GIT2: variants seen among roughly 807,000 people sequenced by gnomAD.
The protein encoded by GIT2 is GIT ArfGAP 2.
In GIT2, 32 loss-of-function variants were observed where a neutral mutation model predicts 100.3. The observed-to-expected ratio is 0.32, with a 90% CI of 0.24 to 0.43. GIT2 has a LOEUF of 0.43. Ranked by LOEUF, GIT2 falls within the 20% of genes least tolerant of loss-of-function variation. The probability of loss-of-function intolerance (pLI) is 1.00; values close to 1 mark genes in which losing one functional copy is unlikely to be tolerated. For missense variants in GIT2, 737 were observed against 975.1 expected, an observed-to-expected ratio of 0.76 and a Z score of 3.25; for synonymous variants, 353 against 364.1, an observed-to-expected ratio of 0.97 and a Z score of 0.35.
chr12:109,941,910 G>T (rs1874852069), intron 16 of GIT2, among the ~76,000 whole-genome samples: 1 of 150,430 alleles, frequency 6.6e-6, no homozygotes, highest in Non-Finnish European at 1.5e-5. Flanking sequence ...CTGCAGCCTC[G>T]ACCTCCCAGA....
chr12:109,941,996 G>A (rs149296714), intron 16 of GIT2, among the ~76,000 whole-genome samples: 76 of 151,866 alleles, frequency 5.0e-4, no homozygotes, highest in African/African-American at 1.7e-3. Context: ...GGCTAATTTT[G>A]TACTTTTTTG....
In GIT2 at chr12:109,938,386, T is replaced by A; in HGVS notation, c.1997A>T (p.His666Leu). 6.2e-7 allele frequency: 1 copy of A among 1,610,994 alleles called. No individual in the cohort carries two copies. The highest frequency in any genetic ancestry group is 8.5e-7 in the Non-Finnish European group (1 of 1,177,816). Residue 666 changes from histidine to leucine, a missense_variant, in exon 18 of 20, where the codon CAT becomes CTT. By Grantham distance (99) the His-to-Leu change is moderately conservative. This residue lies in a region of GIT2 where 451 missense variants were observed against 543.7 expected (regional missense o/e 0.83). Coordinates refer to ENST00000355312, the MANE Select transcript of GIT2 (RefSeq NM_057169.5). ...ELLRAAQENK[H>L]DSYIPCSERI... Reference sequence around the variant, plus strand: ...GGTCTTCAATCCTGCTTACCTGTCATGTTTATTTTCTTGGGCTGCTCTTAA... The same window carrying A: ...GGTCTTCAATCCTGCTTACCTGTCAAGTTTATTTTCTTGGGCTGCTCTTAA...
Position 109,948,987 on chromosome 12 carries a change from A to C in GIT2, c.1393-1483T>G, listed in dbSNP as rs187840842. The C allele has an allele frequency of 2.5e-4, 154 of 614,154 alleles. No homozygotes were observed. The highest frequency in any genetic ancestry group is 2.1e-3 in the African/African-American group (112 of 53,842). 38.0% of individuals were successfully genotyped at this position (614,154 alleles called of 1,614,324 possible). A position where few individuals can be genotyped will look rare whatever the true frequency, so the allele number is the denominator to read the frequency against. ...CCATATACTTTATATTAATCATGCC[A>C]AACTGCTGTGAAAGTGTGACTTACT... On this transcript the variant is annotated intron_variant, in intron 14 of 19. Coordinates refer to ENST00000355312, the MANE Select transcript of GIT2 (RefSeq NM_057169.5). The surrounding 1 kb of genome is among the most constrained non-coding windows in gnomAD (Gnocchi z 4.3).
At chr12:109,937,765 T>C (rs1215117170) in intron 18 of GIT2, among the ~76,000 whole-genome samples, 1 of 152,172 alleles carries the variant, frequency 6.6e-6, no homozygotes, top group East Asian at 1.9e-4. Flanking sequence ...TGCAGTGGCA[T>C]GATCTTGGCT....
At chr12:109,951,634 T>C (rs995813710) in intron 13 of GIT2, among the ~76,000 whole-genome samples, 2 of 152,260 alleles carry the variant, frequency 1.3e-5, no homozygotes, top group East Asian at 3.8e-4. Context: ...ATTCATTCTT[T>C]CATTAATTCA....
chr12:109,997,055 C>A (rs890214396), upstream of GIT2, among the ~76,000 whole-genome samples: 6 of 151,762 alleles, frequency 4.0e-5, no homozygotes, highest in Non-Finnish European at 8.8e-5. Flanking sequence ...ACTAAAAATA[C>A]AAAAATTAGC....
intron 8 of GIT2, among the ~76,000 whole-genome samples, chr12:109,966,508 CAAAAAAAAA>C (rs749586402): frequency 1.4e-5 from 1 of 70,234 alleles, no homozygotes; most frequent in Non-Finnish European, 2.5e-5. Context: ...GACTCTGTCT[CAAAAAAAAA>C]AAAAAAAAAA....
intron 2 of GIT2, 35 bp from the exon 3 acceptor site, chr12:109,989,837 T>A: frequency 9.2e-7 from 1 of 1,087,312 alleles, no homozygotes; most frequent in Non-Finnish European, 1.4e-6. Flanking sequence ...GACTTTAATT[T>A]CTTTTCACAA....
chr12:109,976,792 T>C (rs907784485), intron 7 of GIT2, among the ~76,000 whole-genome samples: 4 of 151,920 alleles, frequency 2.6e-5, no homozygotes, highest in African/African-American at 9.7e-5. Flanking sequence ...TTTCACCATG[T>C]TGGTCAGGCT....
rs763352526 is a variant in GIT2, at chr12:109,953,078, G to A, written c.1242+14C>T. 5.0e-6 allele frequency: 8 copies of A among 1,584,778 alleles called. No individual in the cohort carries two copies. Among genetic ancestry groups the A allele is most frequent in the South Asian group, 4.4e-5 (4 of 90,102 alleles). ...ATGCGTGCTTGCCCTTCCATGGGAC[G>A]CATGGCCTCTCACCTTCTGCCGGTT... On this transcript the variant is annotated intron_variant, in intron 13 of 19. Coordinates refer to ENST00000355312, the MANE Select transcript of GIT2 (RefSeq NM_057169.5).
chr12:109,959,983 A>C, intron 11 of GIT2, 25 bp from the exon 12 acceptor site: 1 of 1,459,514 alleles, frequency 6.9e-7, no homozygotes. Flanking sequence ...ATAATTGGAA[A>C]TATTTCCCAG....
At chr12:109,953,346 T>C in intron 12 of GIT2, 112 bp from the exon 13 acceptor site, 6 of 1,002,902 alleles carry the variant, frequency 6.0e-6, no homozygotes, top group Non-Finnish European at 9.1e-6. Context: ...AAGGGCTGAA[T>C]GCTGTGCTCT....
At chr12:109,957,828 C>G (rs942080732) in intron 12 of GIT2, among the ~76,000 whole-genome samples, 1 of 152,052 alleles carries the variant, frequency 6.6e-6, no homozygotes, top group African/African-American at 2.4e-5. Flanking sequence ...TTAGTTGCTT[C>G]TAATGTTTGT....
At chr12:109,945,774 A>G (rs1316998844) in intron 15 of GIT2, among the ~76,000 whole-genome samples, 1 of 152,230 alleles carries the variant, frequency 6.6e-6, no homozygotes, top group African/African-American at 2.4e-5. Flanking sequence ...TTCTAAAATA[A>G]GAAAGTACAC....
At position 109,947,310 on chromosome 12, in the gene GIT2, T is replaced by G; in HGVS notation, c.1587A>C (p.Gly529=). The G allele has an allele frequency of 6.2e-7, 1 of 1,614,134 alleles. No homozygotes were observed. Among genetic ancestry groups the G allele is most frequent in the Middle Eastern group, 1.6e-4 (1 of 6,062 alleles). ...GSGQKPYLPM[G]EASRPEESRM... The stretch of plus-strand genomic sequence containing the variant: ...TGCTCTCTTCGGGGCGGCTCGCTTC[T>G]CCCATTGGGAGATATGGTTTCTGAC... Residue 529 remains glycine (G), a synonymous_variant, in exon 15 of 20, where the codon GGA becomes GGC. Coordinates refer to ENST00000355312, the MANE Select transcript of GIT2 (RefSeq NM_057169.5). This position sits in a 1 kb window ranked among gnomAD's most constrained non-coding sequence, Gnocchi z 4.3.
chr12:109,982,172 A>C (rs1368954459), intron 6 of GIT2: 2 of 152,328 alleles, frequency 1.3e-5, no homozygotes, highest in African/African-American at 4.8e-5. Flanking sequence ...TGCTGAACAC[A>C]CTTTGTCCCT....
intron 7 of GIT2, among the ~76,000 whole-genome samples, chr12:109,972,321 A>C (rs1449237179): frequency 6.6e-6 from 1 of 152,186 alleles, no homozygotes; most frequent in Non-Finnish European, 1.5e-5. Context: ...TGTTTATCAG[A>C]TCAAGGAAGT....
intron 6 of GIT2, 22 bp from the exon 7 acceptor site, chr12:109,981,068 C>T: frequency 1.4e-6 from 2 of 1,462,266 alleles, no homozygotes; most frequent in South Asian, 2.3e-5. Context: ...AAACAAAGTA[C>T]CATTTATATT....
At chr12:109,983,526 AG>A (rs1434177190) in intron 5 of GIT2, 23 bp from the exon 6 acceptor site, 1 of 1,611,226 alleles carries the variant, frequency 6.2e-7, no homozygotes, top group Non-Finnish European at 8.5e-7. Context: ...AATAAAAAGT[AG>A]GCAAAAGAGC....
Sources: gnomAD v4.1 joint callset for allele counts (sites outside exome capture counted in the v4.1 genomes callset) on GRCh38, gnomAD v4.1.1 for gene constraint, gnomAD v4.1.1 regional missense constraint, Gnocchi (gnomAD v3.1) non-coding constraint, MANE v1.5 for transcripts, NCBI Gene and HGNC (gene_info 2026-07-23, HGNC 2026-07-21) for gene names.